Variants in NSG1 observed in about 807,000 individuals in gnomAD.
NSG1 encodes the protein neuronal vesicle trafficking-associated protein 1.
Under a neutral mutation model 19.3 loss-of-function variants are expected in NSG1, and 9 were observed. The ratio of observed to expected loss-of-function variants is 0.47; its 90% CI spans 0.28 to 0.81. The LOEUF is 0.81. Among genes scored for constraint, NSG1 ranks in the 40% least tolerant of loss-of-function variants. NSG1 has a pLI of 0.11. For synonymous variants in NSG1, 104 were observed against 107.0 expected, an observed-to-expected ratio of 0.97 and a Z score of 0.17; for missense variants, 236 against 242.4, an observed-to-expected ratio of 0.97 and a Z score of 0.18.
At chr4:4,406,425 C>T (rs77032483) in intron 3 of NSG1, among the ~76,000 whole-genome samples, 18 of 152,306 alleles carry the variant, frequency 1.2e-4, no homozygotes, top group South Asian at 4.1e-4. Flanking sequence ...CAAAGGGTTA[C>T]GAAGGAGGCC....
At chr4:4,394,536 AG>A (rs1228869058) in intron 3 of NSG1, among the ~76,000 whole-genome samples, 2 of 152,048 alleles carry the variant, frequency 1.3e-5, no homozygotes, top group Non-Finnish European at 2.9e-5. Context: ...TTCCAAGCAT[AG>A]GCCCCCTCGA....
rs139819280 is a variant in NSG1, at chr4:4,409,614, C to T, written c.288C>T (p.Cys96=). Residue 96 remains cysteine (C), a synonymous_variant, in exon 4 of 5, where the codon TGC becomes TGT. Transcript: ENST00000621129. The part of the protein sequence containing the change: ...LVLFALAFLT[C]VVFLVVYKVY... ...TCTTCGCCCTGGCCTTCCTCACCTGCGTCGTCTTCCTGGTTGTCTACAAGG... is the reference window on the plus strand; with the variant it reads ...TCTTCGCCCTGGCCTTCCTCACCTGTGTCGTCTTCCTGGTTGTCTACAAGG... 2.3e-5 allele frequency: 37 copies of T among 1,614,158 alleles called. No individual in the cohort carries two copies. Among genetic ancestry groups the T allele is most frequent in the African/African-American group, 1.9e-4 (14 of 75,040 alleles).
chr4:4,401,152 T>C (rs1249493004), intron 3 of NSG1, among the ~76,000 whole-genome samples: 1 of 152,228 alleles, frequency 6.6e-6, no homozygotes, highest in Non-Finnish European at 1.5e-5. Flanking sequence ...TGCCCCTGCT[T>C]TAGAGCTTTT....
chr4:4,387,793 G>T, intron 2 of NSG1, 35 bp downstream of exon 2: 1 of 1,550,740 alleles, frequency 6.4e-7, no homozygotes. Flanking sequence ...GTTGCCGGGT[G>T]TGCACCCCCA....
chr4:4,411,347 C>T (rs1482940853), intron 4 of NSG1, among the ~76,000 whole-genome samples: 3 of 152,206 alleles, frequency 2.0e-5, no homozygotes, highest in Admixed American at 6.5e-5. Flanking sequence ...GCTAGGCCTG[C>T]ACAGGGTCAG....
chr4:4,405,553 T>C (rs781523253), intron 3 of NSG1, among the ~76,000 whole-genome samples: 5 of 152,120 alleles, frequency 3.3e-5, no homozygotes, highest in African/African-American at 4.8e-5. Context: ...AGGCAGCAGC[T>C]TACAGGATTC....
intron 2 of NSG1, among the ~76,000 whole-genome samples, 162 bp downstream of exon 2, chr4:4,387,920 T>TCTGGATCGCGGGATG (rs1175784561): frequency 1.3e-5 from 2 of 152,136 alleles, no homozygotes; most frequent in African/African-American, 4.8e-5. Flanking sequence ...CGCGCGGGAT[T>TCTGGATCGCGGGATG]CTGGATCGCG....
chr4:4,410,679 C>T (rs145068181), intron 4 of NSG1, among the ~76,000 whole-genome samples: 8 of 152,216 alleles, frequency 5.3e-5, no homozygotes, highest in Middle Eastern at 3.4e-3. Flanking sequence ...CTTGCAGGAC[C>T]GGAAGCTGGT....
At chr4:4,411,178 T>C (rs571372644) in intron 4 of NSG1, among the ~76,000 whole-genome samples, 2 of 152,306 alleles carry the variant, frequency 1.3e-5, no homozygotes, top group Admixed American at 1.3e-4. Context: ...AAATGTAAGT[T>C]TTTGACTCTT....
At chr4:4,412,119 T>C (rs1163306900) in intron 4 of NSG1, among the ~76,000 whole-genome samples, 1 of 152,158 alleles carries the variant, frequency 6.6e-6, no homozygotes, top group Non-Finnish European at 1.5e-5. Flanking sequence ...GTGACAGTCT[T>C]ATGGGGCCAC....
chr4:4,387,385 C>T (rs1722775164), intron 1 of NSG1, among the ~76,000 whole-genome samples: 1 of 152,112 alleles, frequency 6.6e-6, no homozygotes, highest in Admixed American at 6.5e-5. Context: ...CCCTTGCGCC[C>T]GGCGCTTGGG....
Position 4,418,886 on chromosome 4 carries a change from A to C in NSG1, c.*1451A>C, listed in dbSNP as rs1388684871. On this transcript the variant is annotated 3_prime_UTR_variant, in exon 5 of 5. Transcript: ENST00000621129. The stretch of plus-strand genomic sequence containing the variant: ...CTGTGGAAAATGACTCAAGAGCAAT[A>C]AATCAGTGCCAAAGCTTCCCTGCGC... 6.6e-6 allele frequency: 1 copy of C among 152,276 alleles called. No individual in the cohort carries two copies. The highest frequency in any genetic ancestry group is 1.5e-5 in the Non-Finnish European group (1 of 68,056). The allele number at this position is 152,276 out of a possible 1,614,324, so 9.4% of individuals were successfully genotyped here. A position where few individuals can be genotyped will look rare whatever the true frequency, so the allele number is the denominator to read the frequency against.
At chr4:4,389,125 C>T (rs919422340) in intron 2 of NSG1, among the ~76,000 whole-genome samples, 2 of 152,270 alleles carry the variant, frequency 1.3e-5, no homozygotes, top group African/African-American at 2.4e-5. Context: ...AACTCCGTGT[C>T]CTGAGGCAGC....
rs751985740 is a variant in NSG1 at position 4,417,405 on chromosome 4, G to C, written c.528G>C (p.Gln176His). The change falls in exon 5 of 5, where the codon CAG (glutamine) becomes CAC (histidine). Residue 176 changes from glutamine (Q) to histidine (H), a missense_variant. By Grantham distance (24) the Gln-to-His change is conservative. Coordinates refer to ENST00000621129, the MANE Select transcript of NSG1 (RefSeq NM_014392.5). ...TGTCAGAAGAGAAGCTGTCCGAGCA[G>C]GAGACTGAAGCGGCTGAGAAGTCAG... ...SVLSEEKLSEQETEAAEKSA is the reference protein window; with the variant it reads ...SVLSEEKLSEHETEAAEKSA The C allele has an allele frequency of 6.2e-7, 1 of 1,614,246 alleles. No individual in the cohort carries two copies. Among genetic ancestry groups the C allele is most frequent in the Admixed American group, 1.7e-5 (1 of 60,028 alleles).
chr4:4,405,795 G>A (rs1723820167), intron 3 of NSG1, among the ~76,000 whole-genome samples: 1 of 152,162 alleles, frequency 6.6e-6, no homozygotes, highest in African/African-American at 2.4e-5. Context: ...AGGGACTCTC[G>A]CATTCTCGTT....
chr4:4,400,824 T>C (rs1248826220), intron 3 of NSG1, among the ~76,000 whole-genome samples: 3 of 152,266 alleles, frequency 2.0e-5, no homozygotes, highest in African/African-American at 7.2e-5. Flanking sequence ...CAGTATCAGA[T>C]CTTGTTCAGT....
chr4:4,402,209 G>A (rs975900025), intron 3 of NSG1, among the ~76,000 whole-genome samples: 60 of 90,500 alleles, frequency 6.6e-4, no homozygotes, highest in Non-Finnish European at 1.2e-3. Context: ...TTTTTCCTTT[G>A]ATTTTTTTTT....
rs144577674 is a variant in NSG1 at position 4,399,654 on chromosome 4, T to G, written c.246+8063T>G. ...GTGAAGTATCATTTATTTTTTCTTC[T>G]ATTGCTTGTATTTTTGGTGTCATAG... On this transcript the variant is annotated intron_variant, in intron 3 of 4. Transcript: ENST00000621129. 7.0e-3 allele frequency among the ~76,000 whole-genome samples: 1,073 copies of G among 152,328 alleles called. 7 individuals carry two copies. The highest frequency in any genetic ancestry group is 0.024 in the African/African-American group (1,003 of 41,572).
At chr4:4,391,704 A>G (rs766019669) in intron 3 of NSG1, 113 bp downstream of exon 3, 2 of 620,228 alleles carry the variant, frequency 3.2e-6, no homozygotes, top group Non-Finnish European at 5.6e-6. Context: ...GTCTGGGCTC[A>G]TCCCAGCTGT....
Sources: allele counts gnomAD v4.1 joint callset (sites outside exome capture counted in the v4.1 genomes callset), GRCh38; gene constraint gnomAD v4.1.1; transcripts MANE v1.5; gene names NCBI Gene and HGNC (gene_info 2026-07-23, HGNC 2026-07-21).